PPP2R2B: variants seen among roughly 807,000 people sequenced by gnomAD.
PPP2R2B encodes protein phosphatase 2 regulatory subunit Bbeta.
Under a neutral mutation model 46.0 loss-of-function variants are expected in PPP2R2B, and 5 were observed. The observed-to-expected ratio is 0.11, with a 90% CI of 0.06 to 0.23. The LOEUF is 0.23. PPP2R2B is among the 10% of genes least tolerant of loss of function. The probability of loss-of-function intolerance (pLI) is 1.00; values close to 1 mark genes in which losing one functional copy is unlikely to be tolerated. For missense variants in PPP2R2B, 367 were observed against 575.0 expected, an observed-to-expected ratio of 0.64 and a Z score of 3.70; for synonymous variants, 215 against 206.7, an observed-to-expected ratio of 1.04 and a Z score of -0.34.
In PPP2R2B at chr5:146,585,736, TACCCATC is replaced by T. The variant is rs1770125834; in HGVS notation, c.*4204_*4210del. On this transcript the variant is annotated 3_prime_UTR_variant, in exon 10 of 10. Coordinates refer to ENST00000394411, the MANE Select transcript of PPP2R2B (RefSeq NM_181675.4). ...TGAGGCATGGAAAGCAATAGTATAT[TACCCATC>T]ACTGTTGTTGCTATTATTAGTTTAT... The T allele has an allele frequency of 2.6e-5, 4 of 152,346 alleles. No homozygotes were observed. The South Asian group carries it at 8.3e-4, about 32-fold the overall frequency. The allele number at this position is 152,346 out of a possible 1,614,324, so 9.4% of individuals were successfully genotyped here.
chr5:147,063,410 C>T (rs556447235), intron 2 of PPP2R2B, among the ~76,000 whole-genome samples: 1 of 152,056 alleles, frequency 6.6e-6, no homozygotes, highest in Non-Finnish European at 1.5e-5. Flanking sequence ...ATATATAAAG[C>T]AGATTTCAGT....
At chr5:146,645,131 G>C (rs1403214740) in intron 6 of PPP2R2B, among the ~76,000 whole-genome samples, 1 of 152,218 alleles carries the variant, frequency 6.6e-6, no homozygotes, top group African/African-American at 2.4e-5. Flanking sequence ...GTAGAAAATA[G>C]TAATATCTTT....
intron 1 of PPP2R2B, among the ~76,000 whole-genome samples, chr5:146,894,833 G>A (rs1350873643): frequency 6.6e-6 from 1 of 152,058 alleles, no homozygotes; most frequent in Admixed American, 6.5e-5. Context: ...CTAAATGTAG[G>A]TCAAGGATAG....
At chr5:147,017,048 G>A (rs942105714) in intron 1 of PPP2R2B, among the ~76,000 whole-genome samples, 2 of 151,548 alleles carry the variant, frequency 1.3e-5, no homozygotes, top group African/African-American at 4.8e-5. Context: ...TGGCTGCAGG[G>A]TGGAGGCTAG....
At chr5:147,042,680 C>T (rs758762082) in intron 1 of PPP2R2B, among the ~76,000 whole-genome samples, 48 of 152,122 alleles carry the variant, frequency 3.2e-4, no homozygotes, top group Non-Finnish European at 5.1e-4. Context: ...ACGGAGCCAG[C>T]AGTCTAGCAA....
Position 146,719,987 on chromosome 5 carries a change from A to C in PPP2R2B, c.71-18845T>G, listed in dbSNP as rs138720825. ...TTTACTGCACCTCCTAACATTTCCT[A>C]GTGTACCCCCAGCCTTAGTGTCAAG... On this transcript the variant is annotated intron_variant, in intron 2 of 9. Transcript: ENST00000394411. Among the ~76,000 whole-genome samples, 312 of 152,094 alleles carry C rather than the reference A, an allele frequency of 2.1e-3. 3 individuals are homozygous for C. Among genetic ancestry groups the C allele is most frequent in the Admixed American group, 4.3e-3 (66 of 15,246 alleles).
chr5:146,783,463 C>T (rs1398248595), intron 2 of PPP2R2B, among the ~76,000 whole-genome samples: 1 of 152,156 alleles, frequency 6.6e-6, no homozygotes, highest in Non-Finnish European at 1.5e-5. Context: ...CTGGACCCGT[C>T]ATTTTCTCTT....
At chr5:146,813,062 C>T (rs1757724410) in intron 2 of PPP2R2B, among the ~76,000 whole-genome samples, 1 of 150,174 alleles carries the variant, frequency 6.7e-6, no homozygotes, top group African/African-American at 2.4e-5. Context: ...AGTCACACAT[C>T]TGGTGAATCA....
At chr5:146,878,953 T>C, upstream of PPP2R2B, 8 of 1,118,696 alleles carry the variant, frequency 7.2e-6, no homozygotes, top group South Asian at 1.9e-5. The surrounding 1 kb of genome is among the most constrained non-coding windows in gnomAD (Gnocchi z 4.5). Context: ...GTGGAACGCA[T>C]AGACGCGCTC....
intron 1 of PPP2R2B, among the ~76,000 whole-genome samples, chr5:146,884,778 CA>C (rs1430878383): frequency 1.3e-5 from 2 of 152,052 alleles, no homozygotes; most frequent in Non-Finnish European, 2.9e-5. Context: ...TGAGAATTTC[CA>C]AAACCAGGTT....
intron 2 of PPP2R2B, among the ~76,000 whole-genome samples, chr5:146,709,599 C>A: frequency 6.6e-6 from 1 of 152,190 alleles, no homozygotes; most frequent in East Asian, 1.9e-4. Flanking sequence ...TGAGGGAAGG[C>A]CTTCTGACCG....
intron 5 of PPP2R2B, 53 bp from the exon 6 acceptor site, chr5:146,650,777 AAG>A: frequency 6.6e-7 from 1 of 1,524,688 alleles, no homozygotes. Context: ...TCCATAGGAA[AAG>A]AGTGTGCATG....
intron 5 of PPP2R2B, among the ~76,000 whole-genome samples, chr5:146,661,843 C>G (rs1472976004): frequency 6.6e-6 from 1 of 152,082 alleles, no homozygotes; most frequent in Admixed American, 6.6e-5. Context: ...ACTGCCTTTC[C>G]TGTTATTTCC....
At chr5:147,024,161 A>ATCTATCTG (rs1755418027) in intron 1 of PPP2R2B, among the ~76,000 whole-genome samples, 1 of 149,458 alleles carries the variant, frequency 6.7e-6, no homozygotes, top group South Asian at 2.1e-4. Context: ...TCCTCTATCT[A>ATCTATCTG]TCTATCTATC....
chr5:146,708,356 C>CAAA (rs112342262), intron 2 of PPP2R2B, among the ~76,000 whole-genome samples: 18 of 110,008 alleles, frequency 1.6e-4, no homozygotes, highest in African/African-American at 2.0e-4. Flanking sequence ...GACTTGGTCT[C>CAAA]AAAAAAAAAA....
chr5:146,862,708 G>A (rs999994155), intron 2 of PPP2R2B, among the ~76,000 whole-genome samples: 5 of 151,852 alleles, frequency 3.3e-5, no homozygotes, highest in Non-Finnish European at 7.4e-5. Flanking sequence ...AGGTTTATAA[G>A]CACAGGAGAA....
chr5:146,692,104 T>A (rs1271739174), intron 4 of PPP2R2B, among the ~76,000 whole-genome samples: 3 of 152,202 alleles, frequency 2.0e-5, no homozygotes, highest in Admixed American at 6.5e-5. Context: ...AGGGATTCTA[T>A]CTATCTTGTT....
intron 1 of PPP2R2B, among the ~76,000 whole-genome samples, chr5:147,025,384 A>G (rs1352472648): frequency 1.3e-5 from 2 of 152,146 alleles, no homozygotes; most frequent in East Asian, 1.9e-4. Context: ...CAAAAAATGG[A>G]GAAGAAAGAA....
chr5:146,972,368 G>A (rs1011595879), intron 1 of PPP2R2B, among the ~76,000 whole-genome samples: 3 of 152,000 alleles, frequency 2.0e-5, no homozygotes, highest in Non-Finnish European at 4.4e-5. Context: ...TTTTCCCTTT[G>A]CCACACACTT....
Sources: allele counts gnomAD v4.1 joint callset (sites outside exome capture counted in the v4.1 genomes callset), GRCh38; gene constraint gnomAD v4.1.1; non-coding constraint Gnocchi (gnomAD v3.1); transcripts MANE v1.5; gene names NCBI Gene and HGNC (gene_info 2026-07-23, HGNC 2026-07-21).